The following ADAM9 variants were observed in gnomAD, a reference collection of about 807,000 sequenced individuals.
ADAM9 encodes ADAM metallopeptidase domain 9, also known as disintegrin and metalloproteinase domain-containing protein 9.
A neutral mutation model predicts 108.1 loss-of-function variants in ADAM9; 54 were observed. The observed-to-expected ratio is 0.50, with a 90% confidence interval of 0.40 to 0.63. The LOEUF is 0.63. Ranked by LOEUF, ADAM9 falls within the 20% of genes least tolerant of loss-of-function variation. ADAM9 has a pLI of 0.00. For missense variants in ADAM9, 830 were observed against 997.7 expected, an observed-to-expected ratio of 0.83 and a Z score of 2.26; for synonymous variants, 316 against 336.0, an observed-to-expected ratio of 0.94 and a Z score of 0.65.
intron 20 of ADAM9, among the ~76,000 whole-genome samples, chr8:39,099,101 C>G (rs923967798): frequency 7.2e-5 from 11 of 152,172 alleles, no homozygotes; most frequent in African/African-American, 2.7e-4. Context: ...TCACCACGGG[C>G]CTTCCTTGAG....
intron 11 of ADAM9, among the ~76,000 whole-genome samples, chr8:39,039,018 C>CA (rs1459289468): frequency 6.6e-6 from 1 of 152,098 alleles, no homozygotes; most frequent in African/African-American, 2.4e-5. Flanking sequence ...GACTGCATTC[C>CA]AATCCAAGAG....
At chr8:39,050,222 T>C in intron 12 of ADAM9, among the ~76,000 whole-genome samples, 1 of 152,218 alleles carries the variant, frequency 6.6e-6, no homozygotes, top group East Asian at 1.9e-4. Flanking sequence ...TTGATTGTAA[T>C]GTTTCTTGGT....
chr8:39,082,655 C>T lies in ADAM9; in HGVS notation c.1896C>T (p.Phe632=), dbSNP rs974928385. Reference sequence around the variant, plus strand: ...TTTTTTTTCAGATCTGTAGAAACTTCCAGTGTGTAGATGCTTCTGTTCTGA... The same window carrying T: ...TTTTTTTTCAGATCTGTAGAAACTTTCAGTGTGTAGATGCTTCTGTTCTGA... The part of the protein sequence containing the change: ...KCGAGKICRN[F]QCVDASVLNY... The change falls in exon 17 of 22, where the codon TTC becomes TTT. Residue 632 remains phenylalanine (F), a synonymous_variant. Coordinates refer to ENST00000487273, the MANE Select transcript of ADAM9 (RefSeq NM_003816.3). 6 of 1,608,072 alleles carry T rather than the reference C, an allele frequency of 3.7e-6. No homozygotes were observed. The highest frequency in any genetic ancestry group is 3.3e-5 in the Admixed American group (2 of 59,776).
chr8:39,054,348 C>CT, intron 12 of ADAM9, 133 bp from the exon 13 acceptor site: 17 of 757,714 alleles, frequency 2.2e-5, no homozygotes, highest in Non-Finnish European at 3.6e-5. Flanking sequence ...AAACAGTAAG[C>CT]AACTGTTTCT....
chr8:39,007,838 G>T (rs752094074), intron 1 of ADAM9, 48 bp from the exon 2 acceptor site: 1 of 1,270,006 alleles, frequency 7.9e-7, no homozygotes, highest in Non-Finnish European at 1.1e-6. Context: ...GTGTTCCCAC[G>T]TAGTTTTTCA....
chr8:39,086,728 T>C (rs1839190938), intron 18 of ADAM9, among the ~76,000 whole-genome samples: 1 of 152,194 alleles, frequency 6.6e-6, no homozygotes, highest in African/African-American at 2.4e-5. Context: ...TGGATTTCTA[T>C]TGATGAGGTT....
intron 20 of ADAM9, among the ~76,000 whole-genome samples, chr8:39,093,258 C>A (rs1040206797): frequency 2.0e-5 from 3 of 152,074 alleles, no homozygotes; most frequent in Non-Finnish European, 4.4e-5. Context: ...GTCTTCAATT[C>A]CTTTCATCAA....
At chr8:39,025,240 G>A (rs1228293662) in intron 9 of ADAM9, among the ~76,000 whole-genome samples, 2 of 152,066 alleles carry the variant, frequency 1.3e-5, no homozygotes, top group Admixed American at 6.6e-5. Context: ...ACAGATGTGC[G>A]CCACCATGGC....
At chr8:39,073,741 CCTTGT>C (rs1240624793) in intron 15 of ADAM9, among the ~76,000 whole-genome samples, 18 of 152,102 alleles carry the variant, frequency 1.2e-4, no homozygotes, top group African/African-American at 4.1e-4. Flanking sequence ...TTGTCTTTAG[CCTTGT>C]CTTGTTTCAT....
At position 38,996,984 on chromosome 8, in the gene ADAM9, C is replaced by T. The variant is rs1436210038; in HGVS notation, c.-80C>T. ...CGCGCTTCCCGGCCAGACTTGGGGC[C>T]CCGGCAGGGTTGGAAAATGATGGAA... On this transcript the variant is annotated 5_prime_UTR_variant, in exon 1 of 22. Transcript: ENST00000487273. 2.6e-6 allele frequency: 4 copies of T among 1,540,546 alleles called. No homozygotes were observed. Among genetic ancestry groups the T allele is most frequent in the Non-Finnish European group, 2.6e-6 (3 of 1,145,724 alleles).
intron 15 of ADAM9, among the ~76,000 whole-genome samples, chr8:39,071,945 T>C (rs997248666): frequency 6.6e-6 from 1 of 152,232 alleles, no homozygotes; most frequent in Admixed American, 6.5e-5. Context: ...TAGACTCTTA[T>C]TTTGTTTATC....
intron 1 of ADAM9, among the ~76,000 whole-genome samples, chr8:39,000,126 G>A (rs757321010): frequency 2.0e-5 from 3 of 151,886 alleles, no homozygotes; most frequent in Non-Finnish European, 4.4e-5. Context: ...CCGAGTTCAA[G>A]CAATTCTCCT....
chr8:38,997,909 GT>G (rs1168831565), intron 1 of ADAM9, among the ~76,000 whole-genome samples: 2 of 152,206 alleles, frequency 1.3e-5, no homozygotes, highest in Non-Finnish European at 2.9e-5. Flanking sequence ...GTGTGAAATC[GT>G]TTTTGAATTG....
intron 16 of ADAM9, 139 bp downstream of exon 16, chr8:39,077,550 A>G (rs1202984421): frequency 2.3e-5 from 20 of 861,186 alleles, no homozygotes; most frequent in Non-Finnish European, 3.4e-5. Flanking sequence ...CAAAGCCACC[A>G]AAAGAAAATT....
Position 39,104,867 on chromosome 8 carries a change from C to T in ADAM9, c.*1167C>T, listed in dbSNP as rs567973091. ...AAATTTTAAGCACTAAAAATTTTTT[C>T]ATAACCTTTCATAATAAAGTTTAAT... On this transcript the variant is annotated 3_prime_UTR_variant, in exon 22 of 22. Coordinates refer to ENST00000487273, the MANE Select transcript of ADAM9 (RefSeq NM_003816.3). 7.9e-5 allele frequency: 35 copies of T among 441,996 alleles called. No individual in the cohort carries two copies. Among genetic ancestry groups the T allele is most frequent in the Non-Finnish European group, 1.3e-4 (30 of 223,842 alleles). The allele number at this position is 441,996 out of a possible 1,614,324, so 27.4% of individuals were successfully genotyped here. A position where few individuals can be genotyped will look rare whatever the true frequency, so the allele number is the denominator to read the frequency against.
intron 12 of ADAM9, among the ~76,000 whole-genome samples, chr8:39,045,196 A>G (rs552455470): frequency 7.9e-5 from 7 of 89,020 alleles, no homozygotes; most frequent in African/African-American, 2.5e-4. Context: ...ACATACATAT[A>G]TGTGTATATA....
At chr8:39,039,698 C>T (rs538416783) in intron 11 of ADAM9, among the ~76,000 whole-genome samples, 1 of 152,176 alleles carries the variant, frequency 6.6e-6, no homozygotes, top group African/African-American at 2.4e-5. Context: ...CTCCAGGTTC[C>T]TCCATGTTGT....
At chr8:39,078,362 C>CAAAAA (rs56899480) in intron 16 of ADAM9, among the ~76,000 whole-genome samples, 8 of 132,154 alleles carry the variant, frequency 6.1e-5, no homozygotes, top group African/African-American at 1.4e-4. Context: ...GACTCTGTCT[C>CAAAAA]AAAAAAAAAA....
chr8:39,095,949 G>A (rs1839489647), intron 20 of ADAM9, among the ~76,000 whole-genome samples: 1 of 151,692 alleles, frequency 6.6e-6, no homozygotes, highest in African/African-American at 2.4e-5. Context: ...TTGTTCTCTT[G>A]GTTTCCATTT....
Sources: gnomAD v4.1 joint callset for allele counts (sites outside exome capture counted in the v4.1 genomes callset) on GRCh38, gnomAD v4.1.1 for gene constraint, MANE v1.5 for transcripts, NCBI Gene and HGNC (gene_info 2026-07-23, HGNC 2026-07-21) for gene names.